The following STK32A variants were observed in gnomAD, a reference collection of about 807,000 sequenced individuals.
STK32A encodes serine/threonine kinase 32A.
A neutral mutation model predicts 53.2 loss-of-function variants in STK32A; 41 were observed. The ratio of observed to expected loss-of-function variants is 0.77; its 90% CI spans 0.60 to 1.00. The LOEUF is 1.00. Among genes scored for constraint, STK32A ranks in the 50% least tolerant of loss-of-function variants. The pLI is 0.00. For missense variants in STK32A, 458 were observed against 485.8 expected, an observed-to-expected ratio of 0.94 and a Z score of 0.54; for synonymous variants, 166 against 162.8, an observed-to-expected ratio of 1.02 and a Z score of -0.15.
chr5:147,389,209 C>T (rs1021629545), downstream of STK32A, among the ~76,000 whole-genome samples: 2 of 152,172 alleles, frequency 1.3e-5, no homozygotes. Context: ...CCCATCTCCT[C>T]CCCACCCGTC....
chr5:147,373,104 T>TTGTA, intron 9 of STK32A, 65 bp from the exon 10 acceptor site: 1 of 1,595,734 alleles, frequency 6.3e-7, no homozygotes, highest in Non-Finnish European at 8.5e-7. Context: ...TAGAGGGAAT[T>TTGTA]TGTATGATTT....
intron 8 of STK32A, among the ~76,000 whole-genome samples, chr5:147,365,203 A>G (rs1756687795): frequency 6.6e-6 from 1 of 152,124 alleles, no homozygotes; most frequent in African/African-American, 2.4e-5. Flanking sequence ...TCATGGTCCA[A>G]TGGCTTTATC....
chr5:147,257,904 C>G (rs1754307179), intron 2 of STK32A, among the ~76,000 whole-genome samples: 1 of 151,994 alleles, frequency 6.6e-6, no homozygotes, highest in South Asian at 2.1e-4. Flanking sequence ...CAGCAGTGGA[C>G]TTTATAGTCC....
chr5:147,241,360 T>C (rs897422321), intron 2 of STK32A, among the ~76,000 whole-genome samples: 1 of 152,096 alleles, frequency 6.6e-6, no homozygotes, highest in Non-Finnish European at 1.5e-5. Flanking sequence ...ACGCCTGTAG[T>C]CCCAGCTACT....
chr5:147,281,556 A>G (rs1266113872), intron 4 of STK32A, among the ~76,000 whole-genome samples: 2 of 152,012 alleles, frequency 1.3e-5, no homozygotes, highest in Non-Finnish European at 2.9e-5. Context: ...AAACAAAGAC[A>G]AAGCAAAAAG....
At chr5:147,374,200 A>G (rs1420466153) in intron 10 of STK32A, among the ~76,000 whole-genome samples, 1 of 151,310 alleles carries the variant, frequency 6.6e-6, no homozygotes, top group Non-Finnish European at 1.5e-5. Flanking sequence ...AGGTAGAAAG[A>G]TCACTTAAGC....
intron 2 of STK32A, among the ~76,000 whole-genome samples, chr5:147,248,478 A>AC (rs1753845948): frequency 1.3e-5 from 2 of 152,182 alleles, no homozygotes; most frequent in African/African-American, 4.8e-5. Flanking sequence ...ACCTAAATTC[A>AC]ATTAAATGGT....
chr5:147,370,151 T>C lies in STK32A; in HGVS notation c.661-503T>C, dbSNP rs548097194. Reference sequence around the variant, plus strand: ...TGGAACCAGGGACTCATAGCATTTGTGGGACTGGAGTTGATGTTTTCTGAG... The same window carrying C: ...TGGAACCAGGGACTCATAGCATTTGCGGGACTGGAGTTGATGTTTTCTGAG... On this transcript the variant is annotated intron_variant, in intron 8 of 12. Transcript: ENST00000397936. Among the ~76,000 whole-genome samples the C allele has an allele frequency of 3.8e-3, 579 of 152,268 alleles. 5 individuals are homozygous for C. The highest frequency in any genetic ancestry group is 0.013 in the African/African-American group (560 of 41,564).
chr5:147,340,032 G>A (rs1257913564), intron 5 of STK32A, among the ~76,000 whole-genome samples: 1 of 152,314 alleles, frequency 6.6e-6, no homozygotes, highest in East Asian at 1.9e-4. Context: ...AGACCATATA[G>A]GTAGCTTCCA....
chr5:147,310,301 A>G (rs2151970599), intron 4 of STK32A, among the ~76,000 whole-genome samples: 1 of 152,312 alleles, frequency 6.6e-6, no homozygotes, highest in South Asian at 2.1e-4. Context: ...GAAGGCGTGA[A>G]GGCTGAGTAA....
chr5:147,250,363 G>C (rs991907113), intron 2 of STK32A, among the ~76,000 whole-genome samples: 1 of 152,182 alleles, frequency 6.6e-6, no homozygotes, highest in African/African-American at 2.4e-5. Flanking sequence ...TCTGCTCTGA[G>C]AGACAGTGTG....
chr5:147,279,192 T>C, intron 3 of STK32A, 55 bp from the exon 4 acceptor site: 8 of 1,533,932 alleles, frequency 5.2e-6, no homozygotes, highest in South Asian at 1.3e-5. Context: ...CTGTCTCTCA[T>C]CACCATGATC....
Position 147,239,560 on chromosome 5 carries a change from A to T in STK32A, c.-75A>T. The T allele has an allele frequency of 8.6e-7, 1 of 1,162,780 alleles. No homozygotes were observed. Among genetic ancestry groups the T allele is most frequent in the East Asian group, 2.5e-5 (1 of 40,616 alleles). 72.0% of individuals were successfully genotyped at this position (1,162,780 alleles called of 1,614,324 possible). A position where few individuals can be genotyped will look rare whatever the true frequency, so the allele number is the denominator to read the frequency against. ...CTAGATATCCAACTAAGGCTTCGGG[A>T]CATGTTTTGAGCGAAGATGGGTGTT... is the stretch of plus-strand genomic sequence containing the variant. On this transcript the variant is annotated 5_prime_UTR_variant, in exon 2 of 13. Transcript: ENST00000397936.
At chr5:147,260,192 TCTCTCTCTCCTCTCTCTCTC>T (rs1754470611) in intron 2 of STK32A, among the ~76,000 whole-genome samples, 3 of 64,854 alleles carry the variant, frequency 4.6e-5, no homozygotes, top group African/African-American at 2.2e-4. Context: ...CTCTCTCTCC[TCTCTCTCTCCTCTCTCTCTC>T]CTCTCTCTCT....
chr5:147,354,939 T>C (rs768285796), intron 7 of STK32A, among the ~76,000 whole-genome samples: 1 of 152,224 alleles, frequency 6.6e-6, no homozygotes, highest in Non-Finnish European at 1.5e-5. Context: ...CTCCTCCTTT[T>C]GGATAGGAGT....
At chr5:147,259,864 TTCTG>T (rs1754424815) in intron 2 of STK32A, among the ~76,000 whole-genome samples, 1 of 141,336 alleles carries the variant, frequency 7.1e-6, no homozygotes, top group African/African-American at 2.6e-5. Flanking sequence ...TCTCCCTCTC[TTCTG>T]TCTCTCTCTC....
chr5:147,401,532 G>C, the STK32A span: 2 of 1,609,254 alleles, frequency 1.2e-6, no homozygotes, highest in East Asian at 2.2e-5. Context: ...GGGCATTCCT[G>C]CACCAACCTG....
At chr5:147,319,290 A>G (rs1754177270) in intron 4 of STK32A, among the ~76,000 whole-genome samples, 1 of 151,966 alleles carries the variant, frequency 6.6e-6, no homozygotes, top group African/African-American at 2.4e-5. Flanking sequence ...CTACGGGTGC[A>G]TGCCACCACC....
the STK32A span, chr5:147,398,939 G>T: frequency 1.7e-6 from 2 of 1,152,592 alleles, no homozygotes; most frequent in Non-Finnish European, 2.4e-6. Flanking sequence ...GAGGTTTTGA[G>T]CCACTGAGAT....
Sources: allele counts gnomAD v4.1 joint callset (sites outside exome capture counted in the v4.1 genomes callset), GRCh38; gene constraint gnomAD v4.1.1; transcripts MANE v1.5; gene names NCBI Gene and HGNC (gene_info 2026-07-23, HGNC 2026-07-21).